Variants in EHMT1 observed in about 807,000 individuals in gnomAD.
The protein encoded by EHMT1 is histone-lysine N-methyltransferase EHMT1.
Under a neutral mutation model 147.2 loss-of-function variants are expected in EHMT1, and 15 were observed. The observed-to-expected ratio is 0.10, with a 90% CI of 0.07 to 0.16. EHMT1 has a LOEUF of 0.16. Ranked by LOEUF, EHMT1 falls within the 10% of genes least tolerant of loss-of-function variation. The pLI, the probability that EHMT1 is intolerant of heterozygous loss-of-function variation, is 1.00. For synonymous variants in EHMT1, 795 were observed against 709.6 expected (o/e 1.12, Z -1.91); for missense variants, 1,587 against 1,772.4 (o/e 0.90, Z 1.88).
At chr9:137,698,677 A>G (rs1340174851) in intron 1 of EHMT1, among the ~76,000 whole-genome samples, 1 of 152,206 alleles carries the variant, frequency 6.6e-6, no homozygotes, top group Non-Finnish European at 1.5e-5. Flanking sequence ...ACCAGCAGCC[A>G]TGAAACCATT....
intron 14 of EHMT1, among the ~76,000 whole-genome samples, chr9:137,780,822 G>A (rs1951391909): frequency 1.0e-5 from 1 of 95,550 alleles, no homozygotes; most frequent in Non-Finnish European, 2.1e-5. Flanking sequence ...GAGATGTGTG[G>A]TGATGACGCC....
intron 6 of EHMT1, chr9:137,745,826 T>C (rs1428567373): frequency 9.6e-6 from 3 of 311,222 alleles, no homozygotes; most frequent in Non-Finnish European, 1.7e-5. Context: ...TCTGACTGTA[T>C]CCTTCCACCT....
intron 1 of EHMT1, among the ~76,000 whole-genome samples, chr9:137,645,032 C>T (rs1844784798): frequency 6.6e-6 from 1 of 152,090 alleles, no homozygotes; most frequent in Non-Finnish European, 1.5e-5. Context: ...GTCACCACGC[C>T]CGGCTAATTT....
At position 137,800,942 on chromosome 9, in the gene EHMT1, G is replaced by T. The variant is rs1346178132; in HGVS notation, c.2670G>T (p.Lys890Asn). 9.3e-6 allele frequency: 15 copies of T among 1,614,084 alleles called. No individual in the cohort carries two copies. The highest frequency in any genetic ancestry group is 1.2e-5 in the Non-Finnish European group (14 of 1,180,044). The change falls in exon 18 of 27, where the codon AAG (lysine) becomes AAT (asparagine). Residue 890 changes from lysine (K) to asparagine (N), a missense_variant. Around this residue, in one of 7 missense-constraint regions of EHMT1, gnomAD observed 201 missense variants for 350.1 expected, o/e 0.57. Transcript: ENST00000460843. ...AGTACAAGCACGTGGACCTCGTGAA[G>T]CTGCTGCTGTCCAAGGGCTCTGACA... ...ATEYKHVDLV[K>N]LLLSKGSDIN...
intron 25 of EHMT1, 56 bp from the exon 26 acceptor site, chr9:137,834,293 G>A: frequency 6.2e-7 from 1 of 1,605,906 alleles, no homozygotes; most frequent in South Asian, 1.1e-5. Context: ...TACCCGGCGA[G>A]GCCGGCGTGT....
intron 16 of EHMT1, among the ~76,000 whole-genome samples, chr9:137,795,624 T>G (rs536404365): frequency 6.1e-4 from 93 of 152,038 alleles, no homozygotes; most frequent in African/African-American, 2.1e-3. Context: ...GAGTGGTTTT[T>G]GTTTGTTTGT....
intron 23 of EHMT1, 107 bp downstream of exon 23, chr9:137,816,169 C>T (rs1954903558): frequency 1.0e-6 from 1 of 994,668 alleles, no homozygotes; most frequent in Non-Finnish European, 1.5e-6. Context: ...GATGCACGCA[C>T]ATGTGTGTTT....
chr9:137,788,878 A>T (rs1031811671), intron 15 of EHMT1: 3 of 152,172 alleles, frequency 2.0e-5, no homozygotes, highest in African/African-American at 7.3e-5. Flanking sequence ...AGCGCGTGGG[A>T]GGTGGGTCCT....
chr9:137,715,459 A>G (rs1945123835), intron 2 of EHMT1: 1 of 863,442 alleles, frequency 1.2e-6, no homozygotes. Context: ...CCTCGGGTGG[A>G]AGGACAGACG....
At chr9:137,822,895 G>A (rs1455966626) in intron 25 of EHMT1, among the ~76,000 whole-genome samples, 56 of 128,090 alleles carry the variant, frequency 4.4e-4, no homozygotes, top group African/African-American at 1.3e-3. Context: ...ACTTCATCTC[G>A]AAAAAAAAAA....
At chr9:137,714,714 G>A (rs1015161820) in intron 2 of EHMT1, among the ~76,000 whole-genome samples, 5 of 151,650 alleles carry the variant, frequency 3.3e-5, no homozygotes, top group South Asian at 2.1e-4. Flanking sequence ...CTCCATGCCC[G>A]GCTAATTTTT....
In EHMT1 at chr9:137,620,231, C is replaced by T. The variant is rs143481983; in HGVS notation, c.21+1182C>T. ...AATATTAGTCACTGAGAACAAAAAG[C>T]GAAATTAGAAAATTTCAAGTCACTT... On this transcript the variant is annotated intron_variant, in intron 1 of 26. Transcript: ENST00000460843. Among the ~76,000 whole-genome samples, 24 of 152,068 alleles carry T rather than the reference C, an allele frequency of 1.6e-4. 1 individual carries two copies. In the East Asian group the frequency reaches 4.6e-3, roughly 29 times the overall value.
chr9:137,803,399 C>A, intron 18 of EHMT1: 1 of 679,880 alleles, frequency 1.5e-6, no homozygotes, highest in South Asian at 6.6e-5. Context: ...CCCTGCCACC[C>A]ATTGCTGGGC....
chr9:137,756,118 G>A (rs918048568), intron 8 of EHMT1, among the ~76,000 whole-genome samples: 2 of 152,206 alleles, frequency 1.3e-5, no homozygotes, highest in African/African-American at 4.8e-5. Context: ...AGAAATCTTT[G>A]ACAGACCCAG....
At chr9:137,742,090 AC>A (rs1338394203) in intron 4 of EHMT1, among the ~76,000 whole-genome samples, 3 of 151,922 alleles carry the variant, frequency 2.0e-5, no homozygotes, top group African/African-American at 7.3e-5. Flanking sequence ...TCCGAGCCTG[AC>A]CCCCATGAAC....
chr9:137,795,598 C>T (rs567488406), intron 16 of EHMT1, among the ~76,000 whole-genome samples: 1 of 152,266 alleles, frequency 6.6e-6, no homozygotes, highest in South Asian at 2.1e-4. Flanking sequence ...ACTCCACAGA[C>T]AGTGGCCCCG....
At chr9:137,789,953 C>T (rs927038207) in intron 15 of EHMT1, among the ~76,000 whole-genome samples, 1 of 152,194 alleles carries the variant, frequency 6.6e-6, no homozygotes, top group East Asian at 1.9e-4. Flanking sequence ...TGGTCTCGAA[C>T]GCCTGACCTC....
chr9:137,673,255 C>G (rs1189726249), intron 1 of EHMT1, among the ~76,000 whole-genome samples: 3 of 152,192 alleles, frequency 2.0e-5, no homozygotes, highest in Non-Finnish European at 2.9e-5. Flanking sequence ...GTGCTCAGAG[C>G]TGGCCTGGAC....
chr9:137,677,320 G>A (rs1220150450), intron 1 of EHMT1, among the ~76,000 whole-genome samples: 1 of 151,888 alleles, frequency 6.6e-6, no homozygotes, highest in African/African-American at 2.4e-5. Flanking sequence ...TTCTTGTAGA[G>A]ACGGGGGTTT....
Sources: allele counts gnomAD v4.1 joint callset (sites outside exome capture counted in the v4.1 genomes callset), GRCh38; gene constraint gnomAD v4.1.1; regional missense constraint gnomAD v4.1.1; transcripts MANE v1.5; gene names NCBI Gene and HGNC (gene_info 2026-07-23, HGNC 2026-07-21).